PPFIA2: variants seen among roughly 807,000 people sequenced by gnomAD.
The protein encoded by PPFIA2 is PPFI scaffold protein A2, also known as liprin-alpha-2.
Under a neutral mutation model 175.5 loss-of-function variants are expected in PPFIA2, and 46 were observed. The observed-to-expected ratio is 0.26, with a 90% CI of 0.21 to 0.34. The LOEUF is 0.34. Ranked by LOEUF, PPFIA2 falls within the 10% of genes least tolerant of loss-of-function variation. The pLI is 1.00. For missense variants in PPFIA2, 1,179 were observed against 1,506.1 expected, an observed-to-expected ratio of 0.78 and a Z score of 3.60; for synonymous variants, 568 against 511.4, an observed-to-expected ratio of 1.11 and a Z score of -1.49.
chr12:81,559,760 T>C (rs2069599210), intron 4 of PPFIA2, among the ~76,000 whole-genome samples: 1 of 152,044 alleles, frequency 6.6e-6, no homozygotes, highest in Non-Finnish European at 1.5e-5. Context: ...ATTTTACATT[T>C]CATTTATTTT....
At chr12:81,300,233 A>G (rs1403057078) in intron 22 of PPFIA2, among the ~76,000 whole-genome samples, 1 of 152,178 alleles carries the variant, frequency 6.6e-6, no homozygotes. Flanking sequence ...TCAAATTGAT[A>G]TATACTTGGC....
chr12:81,313,500 T>C (rs2051484353), intron 22 of PPFIA2, among the ~76,000 whole-genome samples: 2 of 152,184 alleles, frequency 1.3e-5, no homozygotes, highest in Non-Finnish European at 1.5e-5. Flanking sequence ...ACAGCATCTG[T>C]GGGAAACTCC....
intron 4 of PPFIA2, among the ~76,000 whole-genome samples, chr12:81,553,656 T>C (rs185579930): frequency 2.6e-5 from 4 of 152,104 alleles, no homozygotes; most frequent in African/African-American, 7.2e-5. Flanking sequence ...CTGCTAGACA[T>C]GTGAGTGAAG....
rs144540765 is a variant in PPFIA2 at position 81,607,063 on chromosome 12, A to T, written c.303+69728T>A. 8.7e-3 allele frequency among the ~76,000 whole-genome samples: 1,323 copies of T among 152,134 alleles called. 12 individuals are homozygous for T. The highest frequency in any genetic ancestry group is 0.015 in the Non-Finnish European group (1,000 of 67,946). On this transcript the variant is annotated intron_variant, in intron 4 of 32. Coordinates refer to ENST00000549396, the MANE Select transcript of PPFIA2 (RefSeq NM_003625.5). Reference sequence around the variant, plus strand: ...CCGTTATCCCAGCACCATTAATTGAATAGGGAGTCACCTCCTCATGGCTTG... The same window carrying T: ...CCGTTATCCCAGCACCATTAATTGATTAGGGAGTCACCTCCTCATGGCTTG...
intron 4 of PPFIA2, among the ~76,000 whole-genome samples, chr12:81,489,404 T>C (rs2059187404): frequency 6.6e-6 from 1 of 151,852 alleles, no homozygotes; most frequent in African/African-American, 2.4e-5. Context: ...CTTTTAGCTT[T>C]CTTTATTTGA....
At chr12:81,415,005 C>A (rs1047376407) in intron 7 of PPFIA2, among the ~76,000 whole-genome samples, 2 of 149,560 alleles carry the variant, frequency 1.3e-5, no homozygotes, top group African/African-American at 2.4e-5. Context: ...AGAGCAACTT[C>A]ATGTAGTCTG....
chr12:81,475,771 G>C (rs974671481), intron 4 of PPFIA2, among the ~76,000 whole-genome samples: 1 of 152,150 alleles, frequency 6.6e-6, no homozygotes, highest in Admixed American at 6.5e-5. Flanking sequence ...GGAGTGTAGT[G>C]GCGCGATCTC....
chr12:81,650,864 C>A (rs964584159), intron 4 of PPFIA2, among the ~76,000 whole-genome samples: 3 of 152,106 alleles, frequency 2.0e-5, no homozygotes, highest in Admixed American at 6.5e-5. Flanking sequence ...GACTGAATTT[C>A]AAGACAAGCT....
At chr12:81,415,680 T>C (rs2045095558) in intron 7 of PPFIA2, among the ~76,000 whole-genome samples, 1 of 150,038 alleles carries the variant, frequency 6.7e-6, no homozygotes, top group Admixed American at 6.7e-5. Flanking sequence ...AGTTTTAAGT[T>C]TAAAACAGAA....
chr12:81,754,225 T>C lies in PPFIA2; in HGVS notation c.-2-2A>G. 1 of 1,590,186 alleles carries C rather than the reference T, an allele frequency of 6.3e-7. No homozygotes were observed. Among genetic ancestry groups the C allele is most frequent in the Non-Finnish European group, 8.6e-7 (1 of 1,165,454 alleles). ...TGGGCATCACTTCACACATCATTGC[T>C]TAAAGAAAGTAAGTGGGAAGGAGTC... On this transcript the variant is annotated splice_acceptor_variant, in intron 2 of 32. Coordinates refer to ENST00000549396, the MANE Select transcript of PPFIA2 (RefSeq NM_003625.5). LOFTEE classifies it low-confidence loss of function (5UTR_SPLICE).
intron 7 of PPFIA2, among the ~76,000 whole-genome samples, chr12:81,417,538 T>C (rs1005725187): frequency 6.6e-6 from 1 of 151,482 alleles, no homozygotes; most frequent in African/African-American, 2.4e-5. Flanking sequence ...ATCTTGCATA[T>C]AACAAAGCAA....
intron 4 of PPFIA2, among the ~76,000 whole-genome samples, chr12:81,671,983 T>C (rs1439555233): frequency 6.6e-6 from 1 of 151,966 alleles, no homozygotes; most frequent in Non-Finnish European, 1.5e-5. Context: ...TTATAATTGG[T>C]TTTTGCCAAA....
intron 4 of PPFIA2, among the ~76,000 whole-genome samples, chr12:81,655,207 G>A (rs1412359542): frequency 6.6e-6 from 1 of 151,724 alleles, no homozygotes; most frequent in East Asian, 1.9e-4. Flanking sequence ...TTTATTTGAT[G>A]AACCCGCCAG....
At chr12:81,680,737 T>G (rs1049265365) in intron 3 of PPFIA2, among the ~76,000 whole-genome samples, 5 of 152,002 alleles carry the variant, frequency 3.3e-5, no homozygotes, top group Non-Finnish European at 5.9e-5. Context: ...CAGTATGGAA[T>G]TGGCTCCTAC....
chr12:81,720,511 C>G (rs1032468629), intron 3 of PPFIA2, among the ~76,000 whole-genome samples: 2 of 151,342 alleles, frequency 1.3e-5, no homozygotes, highest in African/African-American at 4.8e-5. Context: ...GTAAAGAGAT[C>G]TCAACTTCTT....
At chr12:81,439,833 T>C (rs770530420) in intron 7 of PPFIA2, 139 bp downstream of exon 7, 213 of 754,716 alleles carry the variant, frequency 2.8e-4, no homozygotes, top group Middle Eastern at 6.9e-4. Context: ...CGGCAACTAA[T>C]TTCAACAAGC....
intron 8 of PPFIA2, among the ~76,000 whole-genome samples, chr12:81,391,543 C>T (rs1429377993): frequency 1.3e-5 from 2 of 151,946 alleles, no homozygotes; most frequent in African/African-American, 4.8e-5. Flanking sequence ...TAAACTGTTA[C>T]TCTGTCATCA....
chr12:81,679,710 A>G (rs2073245245), intron 3 of PPFIA2, among the ~76,000 whole-genome samples: 2 of 151,974 alleles, frequency 1.3e-5, no homozygotes, highest in Non-Finnish European at 2.9e-5. Flanking sequence ...AAATCATTCA[A>G]TTGTAAAAAA....
At chr12:81,446,136 G>A (rs1408957969) in intron 5 of PPFIA2, among the ~76,000 whole-genome samples, 1 of 152,102 alleles carries the variant, frequency 6.6e-6, no homozygotes, top group African/African-American at 2.4e-5. Context: ...AAAATAATTT[G>A]AATTGAATAA....
Sources: gnomAD v4.1 joint callset for allele counts (sites outside exome capture counted in the v4.1 genomes callset) on GRCh38, gnomAD v4.1.1 for gene constraint, MANE v1.5 for transcripts, NCBI Gene and HGNC (gene_info 2026-07-23, HGNC 2026-07-21) for gene names.